The following TBCD variants were observed in gnomAD, a reference collection of about 807,000 sequenced individuals.
The protein encoded by TBCD is tubulin folding cofactor D, also known as tubulin-specific chaperone D.
Under a neutral mutation model 169.3 loss-of-function variants are expected in TBCD, and 105 were observed. That is an observed-to-expected ratio of 0.62 (90% CI 0.53 to 0.73). The LOEUF is 0.73. Ranked by LOEUF, TBCD falls within the 30% of genes least tolerant of loss-of-function variation. TBCD has a pLI of 0.00. For synonymous variants in TBCD, 700 were observed against 643.9 expected (o/e 1.09, Z -1.32); for missense variants, 1,444 against 1,600.1 (o/e 0.90, Z 1.66).
chr17:82,755,675 G>A (rs2047367071), intron 1 of TBCD, among the ~76,000 whole-genome samples: 1 of 152,186 alleles, frequency 6.6e-6, no homozygotes, highest in Non-Finnish European at 1.5e-5. Flanking sequence ...TTCAGGTTAA[G>A]TTTGGAATGC....
chr17:82,840,965 T>TTTG (rs2054461635), intron 13 of TBCD, among the ~76,000 whole-genome samples: 1 of 134,988 alleles, frequency 7.4e-6, no homozygotes, highest in Non-Finnish European at 1.6e-5. Flanking sequence ...TTTTTTTTTT[T>TTTG]TTTTTTTTTT....
chr17:82,895,611 TG>T lies in TBCD; in HGVS notation c.1649+1984del, dbSNP rs1001821893. ...GGGCTCTTGGGAGACGGGAGAGGGC[TG>T]GGGGCCTGGAGGTGTGCCCGCTGGA... On this transcript the variant is annotated intron_variant, in intron 17 of 38. Coordinates refer to ENST00000355528, the MANE Select transcript of TBCD (RefSeq NM_005993.5). Among the ~76,000 whole-genome samples the T allele has an allele frequency of 4.5e-4, 68 of 152,128 alleles. No homozygotes were observed. In the Middle Eastern group the frequency reaches 0.01, roughly 23 times the overall value.
At position 82,893,538 on chromosome 17, in the gene TBCD, T is replaced by C. The variant is rs1255709831; in HGVS notation, c.1564-9T>C. Reference sequence around the variant, plus strand: ...TCTTCTTTTTCCCCCATTTCCACTTTCTTATTAGGGCACTTTCCCTCATGG... The same window carrying C: ...TCTTCTTTTTCCCCCATTTCCACTTCCTTATTAGGGCACTTTCCCTCATGG... On this transcript the variant is annotated splice_polypyrimidine_tract_variant and intron_variant, in intron 16 of 38. Coordinates refer to ENST00000355528, the MANE Select transcript of TBCD (RefSeq NM_005993.5). The C allele has an allele frequency of 1.9e-6, 3 of 1,598,406 alleles. No homozygotes were observed. The highest frequency in any genetic ancestry group is 1.1e-5 in the South Asian group (1 of 87,510).
chr17:82,780,384 C>T (rs1284066789), intron 6 of TBCD, among the ~76,000 whole-genome samples: 1 of 152,108 alleles, frequency 6.6e-6, no homozygotes, highest in Non-Finnish European at 1.5e-5. Flanking sequence ...CTTGTCTGTT[C>T]TCCGTGTGGC....
intron 13 of TBCD, among the ~76,000 whole-genome samples, chr17:82,815,698 A>G (rs572559147): frequency 6.9e-4 from 105 of 152,344 alleles, no homozygotes; most frequent in African/African-American, 2.2e-3. Flanking sequence ...AGAGGGCCTC[A>G]CCACAGAGAC....
intron 12 of TBCD, 80 bp from the exon 13 acceptor site, chr17:82,814,760 C>G: frequency 7.3e-7 from 1 of 1,362,620 alleles, no homozygotes; most frequent in Non-Finnish European, 1.0e-6. Flanking sequence ...ACCTGCCAGG[C>G]TGTGCTCCTT....
At position 82,831,405 on chromosome 17, in the gene TBCD, A is replaced by G. The variant is rs2145258469; in HGVS notation, c.1318+16471A>G. 1 of 1,614,124 alleles carries G rather than the reference A, an allele frequency of 6.2e-7. No homozygotes were observed. The highest frequency in any genetic ancestry group is 1.1e-5 in the South Asian group (1 of 91,078). ...CTGGATAGACCAGGGTGGCTTCTTCAAGCAGGTGAGAGCTCTGATCTCGGG... is the reference window on the plus strand; with the variant it reads ...CTGGATAGACCAGGGTGGCTTCTTCGAGCAGGTGAGAGCTCTGATCTCGGG... On this transcript the variant is annotated intron_variant, in intron 13 of 38. Coordinates refer to ENST00000355528, the MANE Select transcript of TBCD (RefSeq NM_005993.5). This position sits in a 1 kb window ranked among gnomAD's most constrained non-coding sequence, Gnocchi z 4.6.
At chr17:82,826,032 C>T (rs527539726) in intron 13 of TBCD, among the ~76,000 whole-genome samples, 1 of 152,344 alleles carries the variant, frequency 6.6e-6, no homozygotes, top group South Asian at 2.1e-4. Flanking sequence ...TTCTTAAGCC[C>T]ATATTTCCAT....
intron 2 of TBCD, 52 bp downstream of exon 2, chr17:82,756,267 G>A: frequency 1.3e-6 from 2 of 1,534,354 alleles, no homozygotes; most frequent in South Asian, 2.3e-5. Flanking sequence ...TGACCACGGA[G>A]GCCTTGGTGT....
intron 13 of TBCD, among the ~76,000 whole-genome samples, chr17:82,816,528 C>T (rs2051918826): frequency 6.6e-6 from 1 of 152,044 alleles, no homozygotes; most frequent in African/African-American, 2.4e-5. Context: ...TCCTCACCAA[C>T]ACTTGCTTTT....
At position 82,807,671 on chromosome 17, in the gene TBCD, A is replaced by G. The variant is rs912243072; in HGVS notation, c.1148+3A>G. The G allele has an allele frequency of 6.0e-6, 9 of 1,508,594 alleles. No homozygotes were observed. The Admixed American group carries it at 1.3e-4, about 22-fold the overall frequency. The allele number at this position is 1,508,594 out of a possible 1,614,324, so 93.5% of individuals were successfully genotyped here. A position where few individuals can be genotyped will look rare whatever the true frequency, so the allele number is the denominator to read the frequency against. ...GTGCGGTGGTCTGCAGCCAAGGGGT[A>G]GGTGTCTGTGGCCGCAGAAGCACCC... is the stretch of plus-strand genomic sequence containing the variant. On this transcript the variant is annotated splice_donor_region_variant and intron_variant, in intron 11 of 38. Transcript: ENST00000355528.
chr17:82,917,788 TCTC>T (rs1348292854), intron 23 of TBCD, among the ~76,000 whole-genome samples: 1 of 152,190 alleles, frequency 6.6e-6, no homozygotes, highest in Non-Finnish European at 1.5e-5. Flanking sequence ...GGACTCCCGT[TCTC>T]CTGCTAGCTG....
chr17:82,895,106 T>C (rs1488402211), intron 17 of TBCD, among the ~76,000 whole-genome samples: 3 of 152,238 alleles, frequency 2.0e-5, no homozygotes, highest in Non-Finnish European at 4.4e-5. Flanking sequence ...TGTAATTAGC[T>C]GTGTGCGTTT....
At chr17:82,867,560 C>T (rs897184864) in intron 13 of TBCD, among the ~76,000 whole-genome samples, 3 of 152,198 alleles carry the variant, frequency 2.0e-5, no homozygotes, top group African/African-American at 7.2e-5. Context: ...AGAAAGTGAA[C>T]GTGAGCAGTG....
chr17:82,894,657 TC>T (rs1193708428), intron 17 of TBCD, among the ~76,000 whole-genome samples: 2 of 152,204 alleles, frequency 1.3e-5, no homozygotes, highest in Non-Finnish European at 2.9e-5. Flanking sequence ...CCTTATCAGT[TC>T]TTTCCTATTA....
rs71168146 is a variant in TBCD at position 82,758,384 on chromosome 17, G to GAAAAAAAAAAAAAAA, written c.235+2174_235+2188dup. Among the ~76,000 whole-genome samples the GAAAAAAAAAAAAAAA allele has an allele frequency of 6.5e-3, 162 of 24,916 alleles. 4 individuals carry two copies. Among genetic ancestry groups the GAAAAAAAAAAAAAAA allele is most frequent in the East Asian group, 0.026 (8 of 310 alleles). The allele number at this position is 24,916 out of a possible 152,430, so 16.3% of individuals were successfully genotyped here. A position where few individuals can be genotyped will look rare whatever the true frequency, so the allele number is the denominator to read the frequency against. On this transcript the variant is annotated intron_variant, in intron 2 of 38. Coordinates refer to ENST00000355528, the MANE Select transcript of TBCD (RefSeq NM_005993.5). ...GGGCAACAAGAACGAAAACGTCTCGGAAAAAAAAAAAAAAAAAAATAAATA... is the reference window on the plus strand; with the variant it reads ...GGGCAACAAGAACGAAAACGTCTCGGAAAAAAAAAAAAAAAAAAAAAAAAAAAAAAAAAATAAATA...
At chr17:82,764,752 T>G (rs1295480810) in intron 3 of TBCD, among the ~76,000 whole-genome samples, 2 of 151,936 alleles carry the variant, frequency 1.3e-5, no homozygotes, top group East Asian at 3.8e-4. Context: ...TAGTCTGCTT[T>G]TCTTACAAGC....
At chr17:82,871,770 C>T (rs1480172998) in intron 14 of TBCD, among the ~76,000 whole-genome samples, 2 of 152,228 alleles carry the variant, frequency 1.3e-5, no homozygotes, top group East Asian at 1.9e-4. Flanking sequence ...CGGCATGTGG[C>T]GGGGCCAGCG....
At chr17:82,851,717 G>A (rs2145665456) in intron 13 of TBCD, among the ~76,000 whole-genome samples, 1 of 152,358 alleles carries the variant, frequency 6.6e-6, no homozygotes, top group South Asian at 2.1e-4. Flanking sequence ...CGAGAGGGCT[G>A]ATGGGACCAA....
Sources: gnomAD v4.1 joint callset for allele counts (sites outside exome capture counted in the v4.1 genomes callset) on GRCh38, gnomAD v4.1.1 for gene constraint, Gnocchi (gnomAD v3.1) non-coding constraint, MANE v1.5 for transcripts, NCBI Gene and HGNC (gene_info 2026-07-23, HGNC 2026-07-21) for gene names.